DEGS2: variants seen among roughly 807,000 people sequenced by gnomAD.
The protein encoded by DEGS2 is sphingolipid delta(4)-desaturase/C4-monooxygenase DES2.
DEGS2 carries 19 observed loss-of-function variants against 23.8 expected under a neutral mutation model. The observed-to-expected ratio is 0.80, with a 90% confidence interval of 0.56 to 1.17. DEGS2 has a LOEUF of 1.17. Among genes scored for constraint, DEGS2 ranks in the 50% most tolerant of loss-of-function variants. The pLI, the probability that DEGS2 is intolerant of heterozygous loss-of-function variation, is 0.00. For synonymous variants in DEGS2, 218 were observed against 213.7 expected, an observed-to-expected ratio of 1.02 and a Z score of -0.18; for missense variants, 390 against 459.5, an observed-to-expected ratio of 0.85 and a Z score of 1.38.
intron 1 of DEGS2, among the ~76,000 whole-genome samples, chr14:100,150,038 G>A (rs1187747523): frequency 1.3e-5 from 2 of 152,228 alleles, no homozygotes; most frequent in African/African-American, 4.8e-5. Context: ...ACGATTCAGA[G>A]GCTGTGCCTT....
chr14:100,158,366 G>A (rs900961601), intron 1 of DEGS2, among the ~76,000 whole-genome samples: 1 of 151,228 alleles, frequency 6.6e-6, no homozygotes, highest in East Asian at 2.0e-4. Context: ...AGCTAAGATC[G>A]CGCCTAGCCA....
intron 2 of DEGS2, among the ~76,000 whole-genome samples, chr14:100,148,311 C>G (rs894542558): frequency 6.6e-6 from 1 of 152,220 alleles, no homozygotes; most frequent in Non-Finnish European, 1.5e-5. Flanking sequence ...CTCAGGCGCT[C>G]GAACACCTCC....
upstream of DEGS2, chr14:100,159,843 G>T (rs899286545): frequency 3.5e-6 from 1 of 283,914 alleles, no homozygotes. Context: ...TCCCCGGCAG[G>T]ACCGAGGTGG....
chr14:100,160,616 G>T, upstream of DEGS2, among the ~76,000 whole-genome samples: 1 of 152,234 alleles, frequency 6.6e-6, no homozygotes, highest in East Asian at 1.9e-4. Flanking sequence ...CCAGAGCCTG[G>T]CCTCGGCTGG....
chr14:100,163,856 A>G (rs906595301), upstream of DEGS2, among the ~76,000 whole-genome samples: 13 of 152,018 alleles, frequency 8.6e-5, no homozygotes, highest in African/African-American at 2.9e-4. Flanking sequence ...AGTAGCTGGG[A>G]CTATAGGTGC....
intron 1 of DEGS2, among the ~76,000 whole-genome samples, chr14:100,153,495 A>G (rs1430797674): frequency 6.6e-6 from 1 of 152,210 alleles, no homozygotes; most frequent in African/African-American, 2.4e-5. Flanking sequence ...GGAAAGCCCA[A>G]GGCAGAGAAG....
At chr14:100,152,914 AAGGG>A (rs1200246501) in intron 1 of DEGS2, among the ~76,000 whole-genome samples, 7 of 151,468 alleles carry the variant, frequency 4.6e-5, no homozygotes, top group South Asian at 2.1e-4. Context: ...GGAAAGAAGG[AAGGG>A]AGGGAGGGAG....
the DEGS2 span, among the ~76,000 whole-genome samples, chr14:100,166,316 C>CCTGCCCGGGGCTGTGGAGGAGG: frequency 4.8e-5 from 1 of 20,728 alleles, no homozygotes. Context: ...TGTGGGGGAG[C>CCTGCCCGGGGCTGTGGAGGAGG]CTGCCCGGGG....
In DEGS2 at chr14:100,149,545, G is replaced by C. The variant is rs768875690; in HGVS notation, c.248C>G (p.Ser83Trp). The change falls in exon 2 of 3, where the codon TCG (serine) becomes TGG (tryptophan). Residue 83 changes from serine to tryptophan, a missense_variant. Transcript: ENST00000305631. ...GATGTCGTGGATGGCCAGCGTCAGCGAGTGGTTCACGCAGCCACCAAAGGC... is the reference window on the plus strand; with the variant it reads ...GATGTCGTGGATGGCCAGCGTCAGCCAGTGGTTCACGCAGCCACCAAAGGC... The part of the protein sequence containing the change: ...AYAFGGCVNH[S>W]LTLAIHDISH... 8 of 1,605,942 alleles carry C rather than the reference G, an allele frequency of 5.0e-6. No individual in the cohort carries two copies. The highest frequency in any genetic ancestry group is 6.8e-6 in the Non-Finnish European group (8 of 1,177,846).
intron 2 of DEGS2, 118 bp from the exon 3 acceptor site, chr14:100,147,025 A>G (rs1431037435): frequency 1.2e-5 from 15 of 1,240,546 alleles, no homozygotes; most frequent in African/African-American, 3.0e-5. Context: ...ATGTACGAAC[A>G]TGTTTGCGCG....
intron 1 of DEGS2, among the ~76,000 whole-genome samples, chr14:100,155,023 T>C (rs1889635687): frequency 6.6e-6 from 1 of 152,160 alleles, no homozygotes; most frequent in African/African-American, 2.4e-5. Flanking sequence ...TCTGGCAACA[T>C]CTAGGGAGAC....
chr14:100,149,545 G>A lies in DEGS2; in HGVS notation c.248C>T (p.Ser83Leu), dbSNP rs768875690. The change falls in exon 2 of 3, where the codon TCG (serine) becomes TTG (leucine). Residue 83 changes from serine (S) to leucine (L), a missense_variant. Transcript: ENST00000305631. ...GATGTCGTGGATGGCCAGCGTCAGC[G>A]AGTGGTTCACGCAGCCACCAAAGGC... Reference protein sequence around the residue: ...AYAFGGCVNHSLTLAIHDISH... With the variant: ...AYAFGGCVNHLLTLAIHDISH... 10 of 1,605,942 alleles carry A rather than the reference G, an allele frequency of 6.2e-6. No homozygotes were observed. Among genetic ancestry groups the A allele is most frequent in the East Asian group, 2.2e-5 (1 of 44,706 alleles).
the DEGS2 span, among the ~76,000 whole-genome samples, chr14:100,165,647 C>T: frequency 1.3e-5 from 2 of 152,154 alleles, no homozygotes; most frequent in African/African-American, 2.4e-5. Flanking sequence ...CTCTCCGCTC[C>T]GAACTCAGGA....
At chr14:100,158,057 G>C (rs1027945663) in intron 1 of DEGS2, among the ~76,000 whole-genome samples, 16 of 140,900 alleles carry the variant, frequency 1.1e-4, no homozygotes, top group Non-Finnish European at 2.4e-4. Context: ...ACTGCACTCC[G>C]GTCTGGGCGA....
At chr14:100,160,560 C>T (rs531230423), upstream of DEGS2, among the ~76,000 whole-genome samples, 1 of 152,346 alleles carries the variant, frequency 6.6e-6, no homozygotes, top group South Asian at 2.1e-4. Flanking sequence ...TGTTCCTTCT[C>T]CCACTCCCTT....
chr14:100,161,025 C>A (rs904572563), upstream of DEGS2, among the ~76,000 whole-genome samples: 2 of 152,226 alleles, frequency 1.3e-5, no homozygotes, highest in Non-Finnish European at 2.9e-5. Flanking sequence ...GAAGTCATCC[C>A]ACCAGCCATC....
rs1566739251 is a variant in DEGS2, at chr14:100,145,665, C to T, written c.*1096G>A. On this transcript the variant is annotated 3_prime_UTR_variant, in exon 3 of 3. Transcript: ENST00000305631. ...ATTGCAGTGGGCCCGCTCCATCCCT[C>T]TCTGGCAGGGAGGGCCTCCTCGCTC... 1 of 146,274 alleles carries T rather than the reference C, an allele frequency of 6.8e-6. No individual in the cohort carries two copies. The highest frequency in any genetic ancestry group is 3.4e-3 in the Middle Eastern group (1 of 290). 9.1% of individuals were successfully genotyped at this position (146,274 alleles called of 1,614,324 possible). A position where few individuals can be genotyped will look rare whatever the true frequency, so the allele number is the denominator to read the frequency against.
upstream of DEGS2, chr14:100,159,750 G>A (rs1344970387): frequency 2.9e-6 from 1 of 349,390 alleles, no homozygotes; most frequent in Admixed American, 4.8e-5. Flanking sequence ...GGCTGGGCGG[G>A]GCGGCCGGGC....
chr14:100,166,351 G>GAT, the DEGS2 span, among the ~76,000 whole-genome samples: 1 of 31,094 alleles, frequency 3.2e-5, no homozygotes. Context: ...GCCCGGGGCT[G>GAT]TGGGGGGAGC....
Sources: allele counts gnomAD v4.1 joint callset (sites outside exome capture counted in the v4.1 genomes callset), GRCh38; gene constraint gnomAD v4.1.1; transcripts MANE v1.5; gene names NCBI Gene and HGNC (gene_info 2026-07-23, HGNC 2026-07-21).